TNFRSF1B: variants seen among roughly 807,000 people sequenced by gnomAD.
TNFRSF1B encodes the protein tumor necrosis factor receptor superfamily member 1B.
In TNFRSF1B, 19 loss-of-function variants were observed where a neutral mutation model predicts 44.6. The observed-to-expected ratio is 0.43, with a 90% CI of 0.30 to 0.62. The LOEUF is 0.62. Ranked by LOEUF, TNFRSF1B falls within the 20% of genes least tolerant of loss-of-function variation. The probability of loss-of-function intolerance (pLI) is 0.16; values close to 1 mark genes in which losing one functional copy is unlikely to be tolerated. For synonymous variants in TNFRSF1B, 252 were observed against 261.1 expected (o/e 0.97, Z 0.34); for missense variants, 541 against 619.9 (o/e 0.87, Z 1.35).
intron 1 of TNFRSF1B, among the ~76,000 whole-genome samples, chr1:12,188,307 G>A (rs1639032095): frequency 6.6e-6 from 1 of 152,164 alleles, no homozygotes; most frequent in African/African-American, 2.4e-5. Flanking sequence ...AGAGAGAGCC[G>A]AGAGGAGGAG....
At chr1:12,206,001 G>C (rs1001722287) in intron 9 of TNFRSF1B, among the ~76,000 whole-genome samples, 1 of 152,080 alleles carries the variant, frequency 6.6e-6, no homozygotes, top group African/African-American at 2.4e-5. Context: ...AGATGGGTCC[G>C]AGGCTCTGGG....
In TNFRSF1B at chr1:12,204,763, T is replaced by C. The variant is rs534886945; in HGVS notation, c.1106-1977T>C. 2.3e-3 allele frequency among the ~76,000 whole-genome samples: 357 copies of C among 151,938 alleles called. 1 individual carries two copies. Among genetic ancestry groups the C allele is most frequent in the African/African-American group, 8.1e-3 (337 of 41,472 alleles). On this transcript the variant is annotated intron_variant, in intron 9 of 9. Coordinates refer to ENST00000376259, the MANE Select transcript of TNFRSF1B (RefSeq NM_001066.3). ...TAAATGTAAACGCCTGAATTTTAAATGTTGGTAATCAATTCACTTAAAAAC... is the reference window on the plus strand; with the variant it reads ...TAAATGTAAACGCCTGAATTTTAAACGTTGGTAATCAATTCACTTAAAAAC...
chr1:12,194,243 A>G (rs903531635), intron 7 of TNFRSF1B, among the ~76,000 whole-genome samples: 5 of 152,168 alleles, frequency 3.3e-5, no homozygotes, highest in Admixed American at 3.3e-4. Context: ...TCTAAAGGGT[A>G]GGAGGAGTTC....
At chr1:12,196,746 T>C (rs1316610629) in intron 8 of TNFRSF1B, among the ~76,000 whole-genome samples, 1 of 152,204 alleles carries the variant, frequency 6.6e-6, no homozygotes, top group African/African-American at 2.4e-5. Flanking sequence ...CGAGTTTCAC[T>C]GCTCCCTTTC....
In TNFRSF1B at chr1:12,207,434, A is replaced by C. The variant is rs577235106; in HGVS notation, c.*414A>C. 2.2e-4 allele frequency: 40 copies of C among 177,934 alleles called. 1 individual carries two copies. In the South Asian group the frequency reaches 6.4e-3, roughly 29 times the overall value. The allele number at this position is 177,934 out of a possible 1,614,324, so 11.0% of individuals were successfully genotyped here. On this transcript the variant is annotated 3_prime_UTR_variant, in exon 10 of 10. Transcript: ENST00000376259. The stretch of plus-strand genomic sequence containing the variant: ...CCAGCTCTGGCTTCCAGAAAACCCC[A>C]GCATCCTTTTCTGCAGAGGGGCTTT...
Position 12,187,123 on chromosome 1 carries a change from TG to T in TNFRSF1B, c.79-1670del, listed in dbSNP as rs778826722. On this transcript the variant is annotated intron_variant, in intron 1 of 9. Transcript: ENST00000376259. This position sits in a 1 kb window ranked among gnomAD's most constrained non-coding sequence, Gnocchi z 5.5. ...CCTCTGTCCAGGGCTGTAGCTTCTCTGGGTGCCTTTGCTTTTCTCTTTTCTC... is the reference window on the plus strand; with the variant it reads ...CCTCTGTCCAGGGCTGTAGCTTCTCTGGTGCCTTTGCTTTTCTCTTTTCTC... Among the ~76,000 whole-genome samples, 2 of 151,016 alleles carry T rather than the reference TG, an allele frequency of 1.3e-5. No homozygotes were observed. The highest frequency in any genetic ancestry group is 2.9e-5 in the Non-Finnish European group (2 of 67,866).
intron 9 of TNFRSF1B, among the ~76,000 whole-genome samples, chr1:12,205,571 A>G (rs1639484737): frequency 1.3e-5 from 2 of 152,168 alleles, no homozygotes; most frequent in Admixed American, 6.5e-5. Flanking sequence ...GGAGGCTTCC[A>G]TAGCCCACCA....
At chr1:12,198,592 C>A (rs1476768633) in intron 8 of TNFRSF1B, among the ~76,000 whole-genome samples, 1 of 151,952 alleles carries the variant, frequency 6.6e-6, no homozygotes, top group Non-Finnish European at 1.5e-5. Flanking sequence ...AGGACCTGGC[C>A]CGTGGCTCTG....
intron 9 of TNFRSF1B, 77 bp from the exon 10 acceptor site, chr1:12,206,663 C>G: frequency 6.9e-7 from 1 of 1,454,726 alleles, no homozygotes; most frequent in Non-Finnish European, 9.2e-7. Flanking sequence ...GTGTCTGAAT[C>G]TGCATCTTGG....
In TNFRSF1B at chr1:12,171,258, C is replaced by T. The variant is rs566171430; in HGVS notation, c.78+4089C>T. ...CGAACTCCTGAACTCAAGTGATCCA[C>T]CTGCCTCGGCCTCCCGAAGTGCTGG... On this transcript the variant is annotated intron_variant, in intron 1 of 9. Transcript: ENST00000376259. This position sits in a 1 kb window ranked among gnomAD's most constrained non-coding sequence, Gnocchi z 4.5. Among the ~76,000 whole-genome samples, 72 of 152,158 alleles carry T rather than the reference C, an allele frequency of 4.7e-4. No homozygotes were observed. The highest frequency in any genetic ancestry group is 1.6e-3 in the African/African-American group (67 of 41,502).
At chr1:12,191,451 A>T (rs576082265) in intron 3 of TNFRSF1B, among the ~76,000 whole-genome samples, 1 of 149,992 alleles carries the variant, frequency 6.7e-6, no homozygotes, top group Admixed American at 6.6e-5. Context: ...CACTGCGGGG[A>T]GGAGCAGGAC....
At position 12,171,080 on chromosome 1, in the gene TNFRSF1B, G is replaced by T. The variant is rs1016606346; in HGVS notation, c.78+3911G>T. ...TGCAGTGGCCCAATCTCTGCTCACT[G>T]CAACCTCCACCTCCTGGGTTCAAGC... On this transcript the variant is annotated intron_variant, in intron 1 of 9. Coordinates refer to ENST00000376259, the MANE Select transcript of TNFRSF1B (RefSeq NM_001066.3). The surrounding 1 kb of genome is among the most constrained non-coding windows in gnomAD (Gnocchi z 4.5). Among the ~76,000 whole-genome samples the T allele has an allele frequency of 6.6e-6, 1 of 151,518 alleles. No homozygotes were observed. Among genetic ancestry groups the T allele is most frequent in the African/African-American group, 2.4e-5 (1 of 41,170 alleles).
chr1:12,194,909 G>A (rs896496473), intron 8 of TNFRSF1B, among the ~76,000 whole-genome samples: 1 of 152,244 alleles, frequency 6.6e-6, no homozygotes, highest in Non-Finnish European at 1.5e-5. Context: ...TTGCTCTATG[G>A]CTACTTCCTT....
intron 2 of TNFRSF1B, among the ~76,000 whole-genome samples, chr1:12,189,362 CTG>C (rs1179533118): frequency 6.6e-6 from 1 of 152,240 alleles, no homozygotes; most frequent in Non-Finnish European, 1.5e-5. Context: ...GTTGCCTCCA[CTG>C]TGTGCTCCTC....
In TNFRSF1B at chr1:12,191,003, T is replaced by C; in HGVS notation, c.225T>C (p.Cys75=). Residue 75 remains cysteine, a synonymous_variant, in exon 3 of 10, where the codon TGT becomes TGC. Transcript: ENST00000376259. ...GTACCAAGACCTCGGACACCGTGTG[T>C]GACTCCTGTGAGGACAGCACATACA... ...VFCTKTSDTV[C]DSCEDSTYTQ... 6.2e-7 allele frequency: 1 copy of C among 1,614,170 alleles called. No individual in the cohort carries two copies. The highest frequency in any genetic ancestry group is 8.5e-7 in the Non-Finnish European group (1 of 1,180,030).
Position 12,177,752 on chromosome 1 carries a change from C to T in TNFRSF1B, c.78+10583C>T, listed in dbSNP as rs1363178483. Among the ~76,000 whole-genome samples the T allele has an allele frequency of 6.6e-6, 1 of 151,406 alleles. No individual in the cohort carries two copies. The highest frequency in any genetic ancestry group is 2.4e-5 in the African/African-American group (1 of 41,110). On this transcript the variant is annotated intron_variant, in intron 1 of 9. Coordinates refer to ENST00000376259, the MANE Select transcript of TNFRSF1B (RefSeq NM_001066.3). This position sits in a 1 kb window ranked among gnomAD's most constrained non-coding sequence, Gnocchi z 4.3. The stretch of plus-strand genomic sequence containing the variant: ...GAGTTTGCAGTGAACCGAGATCGCG[C>T]CATTGCACTCCAGCCTGGGTGACAG...
chr1:12,184,393 T>C (rs545210065), intron 1 of TNFRSF1B, among the ~76,000 whole-genome samples: 1 of 151,672 alleles, frequency 6.6e-6, no homozygotes, highest in African/African-American at 2.4e-5. Context: ...CTGAGATTGC[T>C]CAAGGGAGCC....
At position 12,186,808 on chromosome 1, in the gene TNFRSF1B, G is replaced by A. The variant is rs1638998471; in HGVS notation, c.79-1988G>A. On this transcript the variant is annotated intron_variant, in intron 1 of 9. Transcript: ENST00000376259. This position sits in a 1 kb window ranked among gnomAD's most constrained non-coding sequence, Gnocchi z 4.8. ...TGACGCATCTGTGGGGGCCCCTGAA[G>A]GACTTGGGGTGTGTGTGTACACCCT... Among the ~76,000 whole-genome samples, 1 of 152,232 alleles carries A rather than the reference G, an allele frequency of 6.6e-6. No individual in the cohort carries two copies. Among genetic ancestry groups the A allele is most frequent in the South Asian group, 2.1e-4 (1 of 4,834 alleles).
intron 8 of TNFRSF1B, among the ~76,000 whole-genome samples, chr1:12,197,901 G>A (rs1440343340): frequency 1.3e-5 from 2 of 152,042 alleles, no homozygotes; most frequent in East Asian, 1.9e-4. Context: ...CGAGGGGGGC[G>A]GATCACGAGG....
Sources: gnomAD v4.1 joint callset for allele counts (sites outside exome capture counted in the v4.1 genomes callset) on GRCh38, gnomAD v4.1.1 for gene constraint, Gnocchi (gnomAD v3.1) non-coding constraint, MANE v1.5 for transcripts, NCBI Gene and HGNC (gene_info 2026-07-23, HGNC 2026-07-21) for gene names.